Variants in BUD13 observed in about 807,000 individuals in gnomAD.
The protein encoded by BUD13 is BUD13 spliceosome associated protein.
In BUD13, 47 loss-of-function variants were observed where a neutral mutation model predicts 62.5. The ratio of observed to expected loss-of-function variants is 0.75; its 90% CI spans 0.60 to 0.96. The LOEUF (loss-of-function observed/expected upper bound fraction) is 0.96. Ranked by LOEUF, BUD13 falls within the 40% of genes least tolerant of loss-of-function variation. The pLI is 0.00. For missense variants in BUD13, 821 were observed against 790.9 expected (o/e 1.04, Z -0.46); for synonymous variants, 293 against 280.1 (o/e 1.05, Z -0.46).
rs200301153 is a variant in BUD13, at chr11:116,759,099, C to T, written c.1335G>A (p.Gln445=). The change falls in exon 6 of 10, where the codon CAG becomes CAA. Residue 445 remains glutamine (Q), a synonymous_variant. Transcript: ENST00000260210. ...CTTCAAATGCCATGGTTTCTTGATC[C>T]TGTTCCTTGAGCTCCTGCTGTTCTC... ...IQREQQELKE[Q]DQETMAFEAE... 6.2e-4 allele frequency: 1,008 copies of T among 1,613,794 alleles called. 11 individuals are homozygous for T. In the South Asian group the frequency reaches 6.3e-3, roughly 10 times the overall value.
At chr11:116,751,431 C>T (rs1399432813) in intron 9 of BUD13, among the ~76,000 whole-genome samples, 1 of 152,032 alleles carries the variant, frequency 6.6e-6, no homozygotes, top group Non-Finnish European at 1.5e-5. Flanking sequence ...AAGTTCGAGA[C>T]CAGCCTGGCC....
At position 116,763,137 on chromosome 11, in the gene BUD13, G is replaced by A. The variant is rs1291713279; in HGVS notation, c.452C>T (p.Ser151Phe). 4.4e-6 allele frequency: 7 copies of A among 1,597,984 alleles called. No individual in the cohort carries two copies. Among genetic ancestry groups the A allele is most frequent in the Middle Eastern group, 1.7e-4 (1 of 5,996 alleles). Residue 151 changes from serine to phenylalanine, a missense_variant, in exon 4 of 10, where the codon TCT becomes TTT. By Grantham distance (155) the Ser-to-Phe change is radical (BLOSUM62 -2). This residue lies in a region of BUD13 where 800 missense variants were observed against 739.2 expected (regional missense o/e 1.08). Transcript: ENST00000260210. ...RKDRHDTPDPSPRRARHDTPD... is the reference protein window; with the variant it reads ...RKDRHDTPDPFPRRARHDTPD... ...GGTGTCATGACGGGCCCTCCTAGGAGATGGATCCGGGGTGTCATGACGGTC... is the reference window on the plus strand; with the variant it reads ...GGTGTCATGACGGGCCCTCCTAGGAAATGGATCCGGGGTGTCATGACGGTC...
At chr11:116,753,281 G>T (rs964837074) in intron 9 of BUD13, among the ~76,000 whole-genome samples, 11 of 152,086 alleles carry the variant, frequency 7.2e-5, no homozygotes, top group African/African-American at 2.7e-4. Context: ...TGGAAGAGAA[G>T]GAACTACAAA....
At position 116,763,082 on chromosome 11, in the gene BUD13, A is replaced by C; in HGVS notation, c.507T>G (p.Arg169=). 6.3e-7 allele frequency: 1 copy of C among 1,581,104 alleles called. No homozygotes were observed. The highest frequency in any genetic ancestry group is 1.1e-5 in the South Asian group (1 of 88,306). Residue 169 remains arginine (R), a synonymous_variant, in exon 4 of 10, where the codon CGT becomes CGG. Transcript: ENST00000260210. ...TPDPSPLRGA[R]HDSDTSPPRR... ...TGGGAGGAGATGTGTCTGAGTCATGACGAGCCCCTCTGAGGGGAGAAGGAT... is the reference window on the plus strand; with the variant it reads ...TGGGAGGAGATGTGTCTGAGTCATGCCGAGCCCCTCTGAGGGGAGAAGGAT...
rs567422056 is a variant in BUD13, at chr11:116,748,637, A to G, written c.1767-62T>C. The G allele has an allele frequency of 1.3e-4, 186 of 1,487,396 alleles. No homozygotes were observed. The East Asian group carries it at 4.0e-3, about 32-fold the overall frequency. 92.1% of individuals were successfully genotyped at this position (1,487,396 alleles called of 1,614,324 possible). On this transcript the variant is annotated intron_variant, in intron 9 of 9. Coordinates refer to ENST00000260210, the MANE Select transcript of BUD13 (RefSeq NM_032725.4). ...CTGAAAGGGGCATTTGTTTCAAAAG[A>G]AAGGGAAGAGTTCACAATATAATGA...
In BUD13 at chr11:116,759,057, C is replaced by T; in HGVS notation, c.1360+17G>A. The T allele has an allele frequency of 1.3e-6, 2 of 1,589,776 alleles. No individual in the cohort carries two copies. The highest frequency in any genetic ancestry group is 1.7e-6 in the Non-Finnish European group (2 of 1,159,134). ...CAGTATGAGCCTAAATTGGTCTCTG[C>T]ACTTTCATATTTTTACCTTCAAATG... On this transcript the variant is annotated intron_variant, in intron 6 of 9. Coordinates refer to ENST00000260210, the MANE Select transcript of BUD13 (RefSeq NM_032725.4).
Position 116,770,175 on chromosome 11 carries a change from G to C in BUD13, c.191C>G (p.Thr64Ser). Residue 64 changes from threonine to serine, a missense_variant, in exon 2 of 10, where the codon ACC (threonine) becomes AGC (serine). Thr to Ser is a moderately conservative substitution (Grantham distance 58). Coordinates refer to ENST00000260210, the MANE Select transcript of BUD13 (RefSeq NM_032725.4). ...TTCCTCTTCCTCCTTTTCTAGTTTG[G>C]TTGTGGAGATAGCTGTCCAGCTCAC... Reference protein sequence around the residue: ...DDVSWTAISTTKLEKEEEEDD... With the variant: ...DDVSWTAISTSKLEKEEEEDD... The C allele has an allele frequency of 6.2e-7, 1 of 1,613,412 alleles. No individual in the cohort carries two copies. Among genetic ancestry groups the C allele is most frequent in the South Asian group, 1.1e-5 (1 of 91,010 alleles).
rs1940173583 is a variant in BUD13, at chr11:116,748,194, T to C, written c.*288A>G. On this transcript the variant is annotated 3_prime_UTR_variant, in exon 10 of 10. Coordinates refer to ENST00000260210, the MANE Select transcript of BUD13 (RefSeq NM_032725.4). ...ATAATTTTAAAAAAATAAATACATG[T>C]TTATTTAAAAAAGAAAAAGAAAAAC... 3.4e-6 allele frequency: 1 copy of C among 297,846 alleles called. No individual in the cohort carries two copies. Among genetic ancestry groups the C allele is most frequent in the Non-Finnish European group, 6.2e-6 (1 of 160,888 alleles). The allele number at this position is 297,846 out of a possible 1,614,324, so 18.5% of individuals were successfully genotyped here.
At chr11:116,770,827 A>G (rs1185682912) in intron 1 of BUD13, among the ~76,000 whole-genome samples, 1 of 130,396 alleles carries the variant, frequency 7.7e-6, no homozygotes, top group South Asian at 2.4e-4. Context: ...AGGGTCTCAC[A>G]CTGCTGCCCA....
chr11:116,752,225 C>T (rs1940249754), intron 9 of BUD13, among the ~76,000 whole-genome samples: 2 of 152,184 alleles, frequency 1.3e-5, no homozygotes, highest in Admixed American at 6.5e-5. Context: ...AGATTATAGG[C>T]ATGAGCCACC....
chr11:116,764,132 T>C (rs1166121893), intron 3 of BUD13, among the ~76,000 whole-genome samples: 1 of 152,206 alleles, frequency 6.6e-6, no homozygotes, highest in Non-Finnish European at 1.5e-5. Flanking sequence ...TTAAAATACA[T>C]AGTTTGAGAC....
chr11:116,755,887 C>T (rs921679053), intron 9 of BUD13, among the ~76,000 whole-genome samples: 1 of 151,904 alleles, frequency 6.6e-6, no homozygotes, highest in Admixed American at 6.6e-5. Flanking sequence ...TCCACATCAA[C>T]AAAAGCTTTT....
At chr11:116,759,968 A>T (rs1016638250) in intron 5 of BUD13, among the ~76,000 whole-genome samples, 3 of 152,206 alleles carry the variant, frequency 2.0e-5, no homozygotes, top group Non-Finnish European at 4.4e-5. Context: ...CTTACAAATA[A>T]GATTCCTTTA....
chr11:116,758,987 A>C, intron 6 of BUD13, 87 bp downstream of exon 6: 1 of 942,334 alleles, frequency 1.1e-6, no homozygotes, highest in Non-Finnish European at 1.7e-6. Flanking sequence ...AGCAATTAAA[A>C]GTTCAAAATA....
chr11:116,761,155 A>T (rs1170297636), intron 4 of BUD13, among the ~76,000 whole-genome samples: 1 of 151,774 alleles, frequency 6.6e-6, no homozygotes, highest in Non-Finnish European at 1.5e-5. Flanking sequence ...GGGTTCAAGC[A>T]ATTATTGTGC....
intron 9 of BUD13, among the ~76,000 whole-genome samples, chr11:116,754,108 C>A (rs1167793622): frequency 1.3e-5 from 2 of 152,216 alleles, no homozygotes; most frequent in Non-Finnish European, 2.9e-5. Flanking sequence ...TGCAGTGGTG[C>A]AATCACAGCA....
In BUD13 at chr11:116,762,669, GCTC is replaced by G. The variant is rs1565314028; in HGVS notation, c.917_919del (p.Gly306del). The stretch of plus-strand genomic sequence containing the variant: ...GTTCTTTGGGAATGACAAATGGGAG[GCTC>G]CTGACTCCTTCCAATGTGGAGAAGT... On this transcript the variant is annotated inframe_deletion, in exon 4 of 10. Coordinates refer to ENST00000260210, the MANE Select transcript of BUD13 (RefSeq NM_032725.4). 5 of 1,614,146 alleles carry G rather than the reference GCTC, an allele frequency of 3.1e-6. No homozygotes were observed. Among genetic ancestry groups the G allele is most frequent in the Non-Finnish European group, 4.2e-6 (5 of 1,180,004 alleles).
In BUD13 at chr11:116,770,140, C is replaced by G; in HGVS notation, c.226G>C (p.Asp76His). The change falls in exon 2 of 10, where the codon GAT becomes CAT. Residue 76 changes from aspartate (D) to histidine (H), a missense_variant. By Grantham distance (81) the Asp-to-His change is moderately conservative. Transcript: ENST00000260210. ...LEKEEEEDDGDLPVVAEFVDE... is the reference protein window; with the variant it reads ...LEKEEEEDDGHLPVVAEFVDE... ...CCAAAGATACATACCACAGGCAAAT[C>G]TCCATCATCTTCCTCTTCCTCCTTT... 6.2e-7 allele frequency: 1 copy of G among 1,612,010 alleles called. No homozygotes were observed. The highest frequency in any genetic ancestry group is 8.5e-7 in the Non-Finnish European group (1 of 1,178,906).
intron 4 of BUD13, among the ~76,000 whole-genome samples, chr11:116,761,329 G>A (rs1940428666): frequency 6.6e-6 from 1 of 152,138 alleles, no homozygotes; most frequent in Non-Finnish European, 1.5e-5. Flanking sequence ...GGGATTATAG[G>A]CTTGAGCCAC....
Sources: gnomAD v4.1 joint callset for allele counts (sites outside exome capture counted in the v4.1 genomes callset) on GRCh38, gnomAD v4.1.1 for gene constraint, gnomAD v4.1.1 regional missense constraint, MANE v1.5 for transcripts, NCBI Gene and HGNC (gene_info 2026-07-23, HGNC 2026-07-21) for gene names.